Variants in TREH observed in about 807,000 individuals in gnomAD.
TREH encodes the protein alpha,alpha-trehalose glucohydrolase.
TREH carries 69 observed loss-of-function variants against 80.5 expected under a neutral mutation model. The observed-to-expected ratio is 0.86, with a 90% CI of 0.71 to 1.05. The LOEUF is 1.05. Among genes scored for constraint, TREH ranks in the 50% least tolerant of loss-of-function variants. TREH has a pLI of 0.00. For synonymous variants in TREH, 309 were observed against 293.5 expected, an observed-to-expected ratio of 1.05 and a Z score of -0.54; for missense variants, 716 against 718.8, an observed-to-expected ratio of 1.00 and a Z score of 0.04.
In TREH at chr11:118,660,473, G is replaced by A. The variant is rs1949306954; in HGVS notation, c.1102+66C>T. The stretch of plus-strand genomic sequence containing the variant: ...CTGTCACACAAGGGTCCTACTTCCA[G>A]TTCTATTGCCAAGCCTGAGCAGGAA... On this transcript the variant is annotated intron_variant, in intron 10 of 14. Transcript: ENST00000264029. 11 of 1,482,248 alleles carry A rather than the reference G, an allele frequency of 7.4e-6. 1 individual carries two copies. In the South Asian group the frequency reaches 1.5e-4, roughly 20 times the overall value. 91.8% of individuals were successfully genotyped at this position (1,482,248 alleles called of 1,614,324 possible). A position where few individuals can be genotyped will look rare whatever the true frequency, so the allele number is the denominator to read the frequency against.
chr11:118,660,644 G>A lies in TREH; in HGVS notation c.997C>T (p.Pro333Ser). Residue 333 changes from proline (P) to serine (S), a missense_variant, in exon 10 of 15, where the codon CCC becomes TCC. Coordinates refer to ENST00000264029, the MANE Select transcript of TREH (RefSeq NM_007180.3). Reference sequence around the variant, plus strand: ...GTTCGGATGCCGCTAAGCGAGTTGGGGTTTGGGCCTCCAATGAGCCAGCGT... The same window carrying A: ...GTTCGGATGCCGCTAAGCGAGTTGGAGTTTGGGCCTCCAATGAGCCAGCGT... ...SSRWLIGGPN[P>S]NSLSGIRTSK... 6.2e-7 allele frequency: 1 copy of A among 1,607,396 alleles called. No individual in the cohort carries two copies. The highest frequency in any genetic ancestry group is 8.5e-7 in the Non-Finnish European group (1 of 1,176,896).
At chr11:118,667,487 G>T (rs558669102) in intron 1 of TREH, among the ~76,000 whole-genome samples, 1 of 152,126 alleles carries the variant, frequency 6.6e-6, no homozygotes, top group Non-Finnish European at 1.5e-5. Flanking sequence ...TGTGATGTGG[G>T]CCAGCATGCC....
At position 118,661,089 on chromosome 11, in the gene TREH, C is replaced by A; in HGVS notation, c.857+71G>T. 1 of 1,605,402 alleles carries A rather than the reference C, an allele frequency of 6.2e-7. No individual in the cohort carries two copies. Among genetic ancestry groups the A allele is most frequent in the Admixed American group, 1.7e-5 (1 of 59,580 alleles). On this transcript the variant is annotated intron_variant, in intron 8 of 14. Coordinates refer to ENST00000264029, the MANE Select transcript of TREH (RefSeq NM_007180.3). This position sits in a 1 kb window ranked among gnomAD's most constrained non-coding sequence, Gnocchi z 4.2. ...CAGGCTAAGTCACTCCTCCTCCTGC[C>A]CGGGGCATTGTGATGCTCTAACCAG...
At chr11:118,671,945 G>C (rs889726613) in intron 1 of TREH, among the ~76,000 whole-genome samples, 5 of 152,140 alleles carry the variant, frequency 3.3e-5, no homozygotes, top group African/African-American at 1.2e-4. Context: ...TTTTACCCTT[G>C]AATAGTATAT....
At position 118,659,843 on chromosome 11, in the gene TREH, C is replaced by T. The variant is rs528160420; in HGVS notation, c.1224G>A (p.Lys408=). ...AWFDYDLEKK[K]KNREFYPSNL... is the part of the protein sequence containing the mutation. ...TGGATGGGTAAAACTCCCGGTTTTT[C>T]TTCTTCTTCTCAAGGTCGTAATCGA... Residue 408 remains lysine, a synonymous_variant, in exon 11 of 15, where the codon AAG becomes AAA. Transcript: ENST00000264029. 4 of 1,560,032 alleles carry T rather than the reference C, an allele frequency of 2.6e-6. No homozygotes were observed. The East Asian group carries it at 9.6e-5, about 37-fold the overall frequency.
intron 1 of TREH, among the ~76,000 whole-genome samples, chr11:118,672,733 A>G (rs1164371194): frequency 4.0e-5 from 6 of 151,410 alleles, no homozygotes; most frequent in Non-Finnish European, 5.9e-5. Flanking sequence ...AAAAAAAAAA[A>G]AAAGAAATCA....
In TREH at chr11:118,663,134, G is replaced by T. The variant is rs781966982; in HGVS notation, c.253C>A (p.Gln85Lys). Residue 85 changes from glutamine (Q) to lysine (K), a missense_variant, in exon 3 of 15, where the codon CAG becomes AAG. Physicochemically the swap from Gln to Lys is moderately conservative, Grantham distance 53. Coordinates refer to ENST00000264029, the MANE Select transcript of TREH (RefSeq NM_007180.3). ...RDHNHSIPRE[Q>K]LQAFVHEHFQ... is the part of the protein sequence containing the mutation. Reference sequence around the variant, plus strand: ...TGTTCGTGGACAAACGCCTGCAGCTGCTCCCTGGGGATGCTGTGATTGTGG... The same window carrying T: ...TGTTCGTGGACAAACGCCTGCAGCTTCTCCCTGGGGATGCTGTGATTGTGG... 3 of 1,613,966 alleles carry T rather than the reference G, an allele frequency of 1.9e-6. No homozygotes were observed. Among genetic ancestry groups the T allele is most frequent in the South Asian group, 1.1e-5 (1 of 91,078 alleles).
rs1949323504 is a variant in TREH at position 118,661,641 on chromosome 11, T to C, written c.613A>G (p.Lys205Glu). ...GMLQNFLDLV[K>E]TYGHVPNGGR... ...GAGGTGCCTGGCCCCCCTCACGTTTTCACCAGGTCCAAGAAGTTCTGCAGC... is the reference window on the plus strand; with the variant it reads ...GAGGTGCCTGGCCCCCCTCACGTTTCCACCAGGTCCAAGAAGTTCTGCAGC... Residue 205 changes from lysine to glutamate, a missense_variant, in exon 6 of 15, where the codon AAA becomes GAA. Coordinates refer to ENST00000264029, the MANE Select transcript of TREH (RefSeq NM_007180.3). The surrounding 1 kb of genome is among the most constrained non-coding windows in gnomAD (Gnocchi z 4.2). The C allele has an allele frequency of 6.2e-7, 1 of 1,613,900 alleles. No individual in the cohort carries two copies. The highest frequency in any genetic ancestry group is 8.5e-7 in the Non-Finnish European group (1 of 1,179,872).
intron 1 of TREH, among the ~76,000 whole-genome samples, chr11:118,672,350 A>T (rs1029252778): frequency 1.3e-5 from 2 of 151,800 alleles, no homozygotes; most frequent in Non-Finnish European, 2.9e-5. Context: ...GTGAGCTGAG[A>T]TCTCGCCCCT....
Position 118,661,286 on chromosome 11 carries a change from G to A in TREH, c.735-4C>T. 1.2e-6 allele frequency: 2 copies of A among 1,613,978 alleles called. No homozygotes were observed. Among genetic ancestry groups the A allele is most frequent in the Non-Finnish European group, 1.7e-6 (2 of 1,179,884 alleles). ...GGCTAGTGTTTCAATGTTTTCCCTG[G>A]AGTGAAGCAGACAACACCTCAGCCC... On this transcript the variant is annotated splice_polypyrimidine_tract_variant and splice_region_variant and intron_variant, in intron 7 of 14. Transcript: ENST00000264029. The surrounding 1 kb of genome is among the most constrained non-coding windows in gnomAD (Gnocchi z 4.2).
In TREH at chr11:118,658,677, C is replaced by T. The variant is rs1949257829; in HGVS notation, c.1599+3G>A. 6.3e-7 allele frequency: 1 copy of T among 1,590,120 alleles called. No homozygotes were observed. Among genetic ancestry groups the T allele is most frequent in the African/African-American group, 1.3e-5 (1 of 74,266 alleles). On this transcript the variant is annotated splice_donor_region_variant and intron_variant, in intron 14 of 14. Transcript: ENST00000264029. ...TTGGCCAGCCCACCCCTGGCCTGCTCACCTGAACTTCATATTCTCCTCCCC... is the reference window on the plus strand; with the variant it reads ...TTGGCCAGCCCACCCCTGGCCTGCTTACCTGAACTTCATATTCTCCTCCCC...
At chr11:118,659,523 G>A (rs782059500) in intron 11 of TREH, 42 bp from the exon 12 acceptor site, 2 of 1,498,048 alleles carry the variant, frequency 1.3e-6, no homozygotes, top group Non-Finnish European at 1.8e-6. Context: ...GGTGGGGCTG[G>A]ACTGGGAGCC....
At position 118,658,702 on chromosome 11, in the gene TREH, C is replaced by G. The variant is rs782514255; in HGVS notation, c.1577G>C (p.Gly526Ala). ...CACCTGAACTTCATATTCTCCTCCC[C>G]CACCGGGCTGTCCACCGTTGCTGAC... ...YDVSNGGQPG[G>A]GGEYEVQEGF... is the part of the protein sequence containing the mutation. Residue 526 changes from glycine to alanine, a missense_variant, in exon 14 of 15, where the codon GGG (glycine) becomes GCG (alanine). Coordinates refer to ENST00000264029, the MANE Select transcript of TREH (RefSeq NM_007180.3). 5.6e-5 allele frequency: 89 copies of G among 1,600,642 alleles called. No homozygotes were observed. Among genetic ancestry groups the G allele is most frequent in the Non-Finnish European group, 7.1e-5 (83 of 1,173,588 alleles).
chr11:118,664,582 G>A (rs534878318), intron 1 of TREH, among the ~76,000 whole-genome samples: 1 of 152,326 alleles, frequency 6.6e-6, no homozygotes, highest in East Asian at 1.9e-4. Flanking sequence ...AACAGAAGAT[G>A]CTGTACCAAT....
chr11:118,661,920 G>A lies in TREH; in HGVS notation c.494C>T (p.Pro165Leu). Residue 165 changes from proline to leucine, a missense_variant, in exon 5 of 15, where the codon CCT becomes CTT. Transcript: ENST00000264029. The surrounding 1 kb of genome is among the most constrained non-coding windows in gnomAD (Gnocchi z 4.2). ...GTAGAACTCAACAAAGCGACCGCCA[G>A]GCACAATGAAGGGATGTTCTGAGTA... ...LIYSEHPFIV[P>L]GGRFVEFYYW... 6.4e-7 allele frequency: 1 copy of A among 1,555,914 alleles called. No individual in the cohort carries two copies. The highest frequency in any genetic ancestry group is 8.7e-7 in the Non-Finnish European group (1 of 1,149,466).
intron 1 of TREH, among the ~76,000 whole-genome samples, chr11:118,670,265 A>G (rs1484894927): frequency 6.6e-6 from 1 of 152,148 alleles, no homozygotes; most frequent in Non-Finnish European, 1.5e-5. Context: ...GAGCCTCACC[A>G]TGAATACCAA....
chr11:118,660,418 C>T (rs558058429), intron 10 of TREH, 121 bp downstream of exon 10: 130 of 1,014,704 alleles, frequency 1.3e-4, no homozygotes, highest in Non-Finnish European at 1.8e-4. Flanking sequence ...TCCACTAGGG[C>T]GGGGCTCGAC....
At position 118,659,867 on chromosome 11, in the gene TREH, G is replaced by A. The variant is rs546393340; in HGVS notation, c.1200C>T (p.Phe400=). Reference sequence around the variant, plus strand: ...TCTTCTTCTTCTCAAGGTCGTAATCGAACCAGGCTCCGGTCTGCTCATCCC... The same window carrying A: ...TCTTCTTCTTCTCAAGGTCGTAATCAAACCAGGCTCCGGTCTGCTCATCCC... ...VLWDEQTGAW[F]DYDLEKKKKN... The change falls in exon 11 of 15, where the codon TTC becomes TTT. Residue 400 remains phenylalanine (F), a synonymous_variant. Coordinates refer to ENST00000264029, the MANE Select transcript of TREH (RefSeq NM_007180.3). 1.5e-5 allele frequency: 24 copies of A among 1,552,970 alleles called. 1 individual carries two copies. Among genetic ancestry groups the A allele is most frequent in the South Asian group, 4.8e-5 (4 of 84,102 alleles).
At chr11:118,672,741 T>C (rs1410265667) in intron 1 of TREH, among the ~76,000 whole-genome samples, 1 of 119,750 alleles carries the variant, frequency 8.4e-6, no homozygotes, top group Non-Finnish European at 1.8e-5. Context: ...AAAAAAGAAA[T>C]CACCTGAAGG....
Sources: allele counts gnomAD v4.1 joint callset (sites outside exome capture counted in the v4.1 genomes callset), GRCh38; gene constraint gnomAD v4.1.1; non-coding constraint Gnocchi (gnomAD v3.1); transcripts MANE v1.5; gene names NCBI Gene and HGNC (gene_info 2026-07-23, HGNC 2026-07-21).